The following MAN2A1 variants were observed in gnomAD, a reference collection of about 807,000 sequenced individuals.
The protein encoded by MAN2A1 is alpha-mannosidase 2.
MAN2A1 carries 76 observed loss-of-function variants against 142.6 expected under a neutral mutation model. That is an observed-to-expected ratio of 0.53 (90% CI 0.44 to 0.65). The LOEUF (loss-of-function observed/expected upper bound fraction) is 0.65, where lower values mean the gene tolerates loss of function less well. Among genes scored for constraint, MAN2A1 ranks in the 30% least tolerant of loss-of-function variants. The pLI, the probability that MAN2A1 is intolerant of heterozygous loss-of-function variation, is 0.00. For missense variants in MAN2A1, 1,311 were observed against 1,365.1 expected, an observed-to-expected ratio of 0.96 and a Z score of 0.62; for synonymous variants, 559 against 473.2, an observed-to-expected ratio of 1.18 and a Z score of -2.35.
chr5:109,817,159 C>A, intron 12 of MAN2A1, 114 bp from the exon 13 acceptor site: 1 of 987,116 alleles, frequency 1.0e-6, no homozygotes, highest in Non-Finnish European at 1.5e-6. Flanking sequence ...GAGTGAGACG[C>A]TATCTCAAAA....
At chr5:109,846,838 A>G (rs1755356018) in intron 18 of MAN2A1, among the ~76,000 whole-genome samples, 1 of 152,184 alleles carries the variant, frequency 6.6e-6, no homozygotes, top group Admixed American at 6.5e-5. Flanking sequence ...AAGATCATAT[A>G]AACTCATGCC....
intron 4 of MAN2A1, among the ~76,000 whole-genome samples, chr5:109,736,344 A>AT (rs949699070): frequency 6.6e-6 from 1 of 152,054 alleles, no homozygotes; most frequent in Non-Finnish European, 1.5e-5. Flanking sequence ...TATAAAGGCA[A>AT]TTTTTTGATT....
At chr5:109,775,836 T>C (rs1753275997) in intron 8 of MAN2A1, among the ~76,000 whole-genome samples, 1 of 152,188 alleles carries the variant, frequency 6.6e-6, no homozygotes, top group African/African-American at 2.4e-5. Flanking sequence ...AACAATTCTT[T>C]TAACACATGC....
intron 1 of MAN2A1, among the ~76,000 whole-genome samples, chr5:109,710,214 A>C (rs189082049): frequency 6.6e-6 from 1 of 152,332 alleles, no homozygotes; most frequent in Non-Finnish European, 1.5e-5. Context: ...ATGAGATTGA[A>C]AGTCATCTTT....
At chr5:109,732,894 G>C (rs1162733404) in intron 4 of MAN2A1, among the ~76,000 whole-genome samples, 1 of 152,034 alleles carries the variant, frequency 6.6e-6, no homozygotes, top group Non-Finnish European at 1.5e-5. Context: ...TTCCAATTCT[G>C]TGAAGAAAAT....
chr5:109,814,099 G>T (rs1254478747), intron 12 of MAN2A1, among the ~76,000 whole-genome samples: 2 of 152,140 alleles, frequency 1.3e-5, no homozygotes, highest in Admixed American at 1.3e-4. Flanking sequence ...CAGATGATAC[G>T]TAAGAAGCTA....
At chr5:109,853,979 C>T (rs1486041893) in intron 19 of MAN2A1, 2 of 152,034 alleles carry the variant, frequency 1.3e-5, no homozygotes, top group Admixed American at 6.6e-5. Context: ...GCTTCTGGCA[C>T]GATGCTAGTC....
intron 17 of MAN2A1, 68 bp downstream of exon 17, chr5:109,842,529 C>A: frequency 1.0e-6 from 1 of 974,894 alleles, no homozygotes; most frequent in Non-Finnish European, 1.4e-6. Context: ...ATAACAATGG[C>A]CCAGTTAATT....
At chr5:109,792,665 T>C (rs1473309406) in intron 12 of MAN2A1, among the ~76,000 whole-genome samples, 2 of 152,152 alleles carry the variant, frequency 1.3e-5, no homozygotes, top group Non-Finnish European at 2.9e-5. Flanking sequence ...TGGTCAGTTC[T>C]TGCTTGGGGT....
At chr5:109,700,898 ATGTTACT>A (rs1293435396) in intron 1 of MAN2A1, among the ~76,000 whole-genome samples, 1 of 152,212 alleles carries the variant, frequency 6.6e-6, no homozygotes, top group Admixed American at 6.5e-5. Flanking sequence ...TGGTAGACAT[ATGTTACT>A]TGTTTTGAAA....
intron 20 of MAN2A1, among the ~76,000 whole-genome samples, chr5:109,857,401 G>A (rs1389843795): frequency 6.6e-6 from 1 of 152,310 alleles, no homozygotes; most frequent in African/African-American, 2.4e-5. Flanking sequence ...AGAATAGAGT[G>A]GAGGGCATCA....
At chr5:109,691,039 C>T (rs1236902825) in intron 1 of MAN2A1, among the ~76,000 whole-genome samples, 3 of 152,260 alleles carry the variant, frequency 2.0e-5, no homozygotes, top group Admixed American at 2.0e-4. Context: ...TTCCCCGCTG[C>T]CTCTGAAGAG....
intron 19 of MAN2A1, 75 bp from the exon 20 acceptor site, chr5:109,855,065 C>G: frequency 1.5e-6 from 1 of 677,630 alleles, no homozygotes; most frequent in Non-Finnish European, 2.3e-6. Flanking sequence ...ATATTAAACC[C>G]TCTCAGATAA....
intron 16 of MAN2A1, among the ~76,000 whole-genome samples, chr5:109,834,858 G>A (rs865881324): frequency 3.3e-5 from 5 of 152,036 alleles, no homozygotes; most frequent in Admixed American, 6.5e-5. Context: ...TGACTCAGAC[G>A]ATAAATTAGA....
intron 8 of MAN2A1, among the ~76,000 whole-genome samples, chr5:109,776,096 G>A (rs574369531): frequency 5.4e-4 from 78 of 144,928 alleles, no homozygotes; most frequent in African/African-American, 1.8e-3. Flanking sequence ...TTTTAAATGT[G>A]TCTTAGAGAC....
intron 1 of MAN2A1, among the ~76,000 whole-genome samples, chr5:109,704,336 G>A (rs565565855): frequency 1.3e-5 from 2 of 152,238 alleles, no homozygotes; most frequent in African/African-American, 4.8e-5. Context: ...AAGGTATTCT[G>A]TAGCTACGTA....
In MAN2A1 at chr5:109,713,522, C is replaced by T; in HGVS notation, c.138C>T (p.Gly46=). Residue 46 remains glycine (G), a splice_region_variant and synonymous_variant, in exon 2 of 22, where the codon GGC becomes GGT. Coordinates refer to ENST00000261483, the MANE Select transcript of MAN2A1 (RefSeq NM_002372.4). ...NPRREGSFPQ[G]QLSMLQEKID... ...TGCCTTTTTCTTTTTTATTGTAGGG[C>T]CAGCTCTCAATGTTGCAAGAAAAAA... is the stretch of plus-strand genomic sequence containing the variant. 1.2e-6 allele frequency: 2 copies of T among 1,601,670 alleles called. No homozygotes were observed. The highest frequency in any genetic ancestry group is 1.7e-6 in the Non-Finnish European group (2 of 1,171,598).
intron 12 of MAN2A1, among the ~76,000 whole-genome samples, chr5:109,816,072 C>T (rs558504877): frequency 2.6e-5 from 4 of 152,292 alleles, no homozygotes; most frequent in South Asian, 4.1e-4. Context: ...TGGTCTAGAA[C>T]GTCTCTGCTC....
Position 109,740,838 on chromosome 5 carries a change from A to G in MAN2A1, c.707+11325A>G, listed in dbSNP as rs372491940. On this transcript the variant is annotated intron_variant, in intron 4 of 21. Transcript: ENST00000261483. Reference sequence around the variant, plus strand: ...TACCATATCTGTCAGAAATGCTGCCAATTTTATGGCCTGCGGATGGCCTGT... The same window carrying G: ...TACCATATCTGTCAGAAATGCTGCCGATTTTATGGCCTGCGGATGGCCTGT... Among the ~76,000 whole-genome samples, 6 of 152,250 alleles carry G rather than the reference A, an allele frequency of 3.9e-5. No homozygotes were observed. In the East Asian group the frequency reaches 7.7e-4, roughly 20 times the overall value.
Sources: allele counts gnomAD v4.1 joint callset (sites outside exome capture counted in the v4.1 genomes callset), GRCh38; gene constraint gnomAD v4.1.1; transcripts MANE v1.5; gene names NCBI Gene and HGNC (gene_info 2026-07-23, HGNC 2026-07-21).